CD226: variants seen among roughly 807,000 people sequenced by gnomAD.
CD226 encodes the protein CD226 molecule, also known as CD226 antigen.
CD226 carries 24 observed loss-of-function variants against 34.9 expected under a neutral mutation model. The ratio of observed to expected loss-of-function variants is 0.69; its 90% CI spans 0.50 to 0.97. The LOEUF (loss-of-function observed/expected upper bound fraction) is 0.97, where lower values mean the gene tolerates loss of function less well. Among genes scored for constraint, CD226 ranks in the 50% least tolerant of loss-of-function variants. The pLI is 0.00. For synonymous variants in CD226, 148 were observed against 147.4 expected, an observed-to-expected ratio of 1.00 and a Z score of -0.03; for missense variants, 397 against 412.7, an observed-to-expected ratio of 0.96 and a Z score of 0.33.
chr18:69,909,126 A>G (rs897581175), intron 2 of CD226, among the ~76,000 whole-genome samples: 2 of 152,196 alleles, frequency 1.3e-5, no homozygotes, highest in African/African-American at 2.4e-5. Flanking sequence ...TCCTGCCCTA[A>G]GAAACTATCC....
At chr18:69,957,859 GA>G (rs1381015478), upstream of CD226, among the ~76,000 whole-genome samples, 1 of 152,172 alleles carries the variant, frequency 6.6e-6, no homozygotes, top group Non-Finnish European at 1.5e-5. Flanking sequence ...CTGTCCCCAA[GA>G]GAATATCCAA....
rs1038769566 is a variant in CD226, at chr18:69,859,376, A to C, written c.*4938T>G. 1 of 152,214 alleles carries C rather than the reference A, an allele frequency of 6.6e-6. No homozygotes were observed. The highest frequency in any genetic ancestry group is 1.5e-5 in the Non-Finnish European group (1 of 68,046). The allele number at this position is 152,214 out of a possible 1,614,324, so 9.4% of individuals were successfully genotyped here. A position where few individuals can be genotyped will look rare whatever the true frequency, so the allele number is the denominator to read the frequency against. ...ATTAGCTCTAGGTGGAAAAAAAGTT[A>C]TGTAGGAGGGAAAGCAAAATCATTT... is the stretch of plus-strand genomic sequence containing the variant. On this transcript the variant is annotated 3_prime_UTR_variant, in exon 6 of 6. Coordinates refer to ENST00000582621, the MANE Select transcript of CD226 (RefSeq NM_001303618.2).
intron 4 of CD226, among the ~76,000 whole-genome samples, chr18:69,869,799 C>CTTTT (rs1002754140): frequency 5.8e-5 from 7 of 121,688 alleles, no homozygotes; most frequent in Admixed American, 8.9e-5. Flanking sequence ...TCTTTTTTTT[C>CTTTT]TTTTTTTTTT....
intron 2 of CD226, among the ~76,000 whole-genome samples, chr18:69,934,301 C>A (rs1044562941): frequency 6.6e-6 from 1 of 151,928 alleles, no homozygotes; most frequent in Non-Finnish European, 1.5e-5. Flanking sequence ...CACACACACA[C>A]ACACACACAC....
chr18:69,881,781 T>A, intron 3 of CD226, among the ~76,000 whole-genome samples: 1 of 152,204 alleles, frequency 6.6e-6, no homozygotes, highest in East Asian at 1.9e-4. Context: ...TTGGTAAACA[T>A]CTATACAATA....
At chr18:69,944,178 A>C (rs1890385862) in intron 2 of CD226, among the ~76,000 whole-genome samples, 1 of 152,160 alleles carries the variant, frequency 6.6e-6, no homozygotes, top group African/African-American at 2.4e-5. Context: ...TCAAACTCTC[A>C]AAATAGGGTA....
At chr18:69,949,720 AAC>A (rs1410179699), upstream of CD226, among the ~76,000 whole-genome samples, 3 of 151,174 alleles carry the variant, frequency 2.0e-5, no homozygotes, top group Admixed American at 6.6e-5. Context: ...CACATGCTCT[AAC>A]ACACATTCAC....
chr18:69,934,208 T>C (rs972203638), intron 2 of CD226, among the ~76,000 whole-genome samples: 1 of 151,928 alleles, frequency 6.6e-6, no homozygotes, highest in Non-Finnish European at 1.5e-5. Flanking sequence ...ATTAGGTAAA[T>C]GACTTAAAAT....
At chr18:69,934,272 C>G (rs1366650331) in intron 2 of CD226, among the ~76,000 whole-genome samples, 2 of 113,180 alleles carry the variant, frequency 1.8e-5, no homozygotes, top group African/African-American at 7.4e-5. Context: ...CCTGTCCACA[C>G]AGAGGATACA....
chr18:69,896,093 A>T, intron 2 of CD226, 48 bp from the exon 3 acceptor site: 1 of 1,562,208 alleles, frequency 6.4e-7, no homozygotes, highest in East Asian at 2.3e-5. Flanking sequence ...AAATTTTGGG[A>T]CACCCAACTG....
chr18:69,876,799 T>G (rs552867560), intron 3 of CD226, among the ~76,000 whole-genome samples: 219 of 144,942 alleles, frequency 1.5e-3, no homozygotes, highest in African/African-American at 5.4e-3. Flanking sequence ...TCTCACCCCC[T>G]CCTCCATTGC....
upstream of CD226, among the ~76,000 whole-genome samples, chr18:69,959,001 G>C (rs926780698): frequency 3.3e-5 from 5 of 152,044 alleles, no homozygotes; most frequent in Non-Finnish European, 7.4e-5. Context: ...TCGAAATATG[G>C]TAATAAATAC....
At chr18:69,869,886 C>T (rs934701817) in intron 4 of CD226, among the ~76,000 whole-genome samples, 9 of 151,110 alleles carry the variant, frequency 6.0e-5, no homozygotes, top group Non-Finnish European at 8.9e-5. Flanking sequence ...CTGCAACCTC[C>T]GCCTCCCGGG....
intron 3 of CD226, among the ~76,000 whole-genome samples, chr18:69,884,013 T>G (rs941351030): frequency 1.3e-5 from 2 of 152,194 alleles, no homozygotes; most frequent in African/African-American, 4.8e-5. Context: ...GAAAAGCAGG[T>G]GTTTAGCATA....
intron 2 of CD226, among the ~76,000 whole-genome samples, chr18:69,915,990 T>C (rs762567997): frequency 2.0e-5 from 3 of 152,194 alleles, no homozygotes; most frequent in Non-Finnish European, 4.4e-5. Context: ...AGTTGTGCTA[T>C]TTCATTTCAG....
intron 2 of CD226, among the ~76,000 whole-genome samples, chr18:69,943,711 C>T (rs555752745): frequency 6.6e-6 from 1 of 152,252 alleles, no homozygotes; most frequent in Admixed American, 6.5e-5. Context: ...ATACGTGAAA[C>T]TTAGGGCCTT....
intron 2 of CD226, among the ~76,000 whole-genome samples, chr18:69,920,790 T>A (rs192051281): frequency 6.6e-5 from 10 of 152,194 alleles, no homozygotes; most frequent in Non-Finnish European, 1.3e-4. Context: ...GAAGACAGAG[T>A]CAGTATTTGA....
chr18:69,936,736 T>C (rs1470760243), intron 2 of CD226, among the ~76,000 whole-genome samples: 2 of 152,190 alleles, frequency 1.3e-5, no homozygotes, highest in Non-Finnish European at 2.9e-5. Flanking sequence ...CTCTAATCAG[T>C]TGACTTGGAA....
chr18:69,882,734 A>G (rs1984336205), intron 3 of CD226, among the ~76,000 whole-genome samples: 1 of 152,238 alleles, frequency 6.6e-6, no homozygotes, highest in Admixed American at 6.5e-5. Context: ...AGTGTGCAGA[A>G]AAGAGTTCAT....
Sources: gnomAD v4.1 joint callset for allele counts (sites outside exome capture counted in the v4.1 genomes callset) on GRCh38, gnomAD v4.1.1 for gene constraint, MANE v1.5 for transcripts, NCBI Gene and HGNC (gene_info 2026-07-23, HGNC 2026-07-21) for gene names.